The following KIAA1217 variants were observed in gnomAD, a reference collection of about 807,000 sequenced individuals.
The protein encoded by KIAA1217 is KIAA1217.
In KIAA1217, 88 loss-of-function variants were observed where a neutral mutation model predicts 163.9. That is an observed-to-expected ratio of 0.54 (90% CI 0.45 to 0.64). The LOEUF (loss-of-function observed/expected upper bound fraction) is 0.64. Ranked by LOEUF, KIAA1217 falls within the 30% of genes least tolerant of loss-of-function variation. KIAA1217 has a pLI of 0.00. For missense variants in KIAA1217, 2,372 were observed against 2,475.0 expected (o/e 0.96, Z 0.88); for synonymous variants, 903 against 923.1 (o/e 0.98, Z 0.39).
chr10:24,038,354 G>A (rs147716631), intron 2 of KIAA1217, among the ~76,000 whole-genome samples: 36 of 152,342 alleles, frequency 2.4e-4, no homozygotes, highest in African/African-American at 8.4e-4. Context: ...AGATGCATGA[G>A]TTTTGGTACA....
At chr10:24,128,263 C>T (rs1239152739) in intron 2 of KIAA1217, among the ~76,000 whole-genome samples, 1 of 152,064 alleles carries the variant, frequency 6.6e-6, no homozygotes, top group African/African-American at 2.4e-5. Context: ...AGGGATTTGC[C>T]AGAACATTAA....
intron 2 of KIAA1217, among the ~76,000 whole-genome samples, chr10:24,115,089 T>C (rs2063000305): frequency 6.6e-6 from 1 of 152,230 alleles, no homozygotes; most frequent in Non-Finnish European, 1.5e-5. Flanking sequence ...TGCTTATTTA[T>C]CCCCACTTAT....
At chr10:24,421,681 T>C (rs1175378696) in intron 3 of KIAA1217, among the ~76,000 whole-genome samples, 4 of 152,192 alleles carry the variant, frequency 2.6e-5, no homozygotes, top group Non-Finnish European at 5.9e-5. Flanking sequence ...TTTAAAAAAG[T>C]TATGAATGTG....
intron 2 of KIAA1217, among the ~76,000 whole-genome samples, chr10:24,079,507 T>C (rs1418634421): frequency 3.3e-5 from 5 of 152,204 alleles, no homozygotes; most frequent in Non-Finnish European, 7.3e-5. Flanking sequence ...TTAATGGTAT[T>C]GTATTGCCAT....
At chr10:23,747,087 G>T (rs1839453932) in intron 1 of KIAA1217, among the ~76,000 whole-genome samples, 1 of 152,170 alleles carries the variant, frequency 6.6e-6, no homozygotes, top group Non-Finnish European at 1.5e-5. Context: ...GCAGGGCCTA[G>T]GGGACTATCT....
At chr10:24,441,700 G>A (rs1000716107) in intron 5 of KIAA1217, among the ~76,000 whole-genome samples, 7 of 152,124 alleles carry the variant, frequency 4.6e-5, no homozygotes, top group African/African-American at 9.7e-5. Flanking sequence ...TAATTGCGTG[G>A]CTTTTGTTTC....
chr10:24,220,061 A>G, intron 2 of KIAA1217, 152 bp downstream of exon 2: 1 of 800,874 alleles, frequency 1.2e-6, no homozygotes, highest in Non-Finnish European at 1.8e-6. Context: ...CCTTGGGAGG[A>G]GGAAGCCGGG....
At chr10:23,962,369 A>T (rs935540566) in intron 1 of KIAA1217, among the ~76,000 whole-genome samples, 2 of 152,216 alleles carry the variant, frequency 1.3e-5, no homozygotes, top group Non-Finnish European at 2.9e-5. Flanking sequence ...ACTAGAACAG[A>T]TATTAACTCA....
At chr10:24,490,786 A>T (rs1388572926) in intron 6 of KIAA1217, among the ~76,000 whole-genome samples, 2 of 152,030 alleles carry the variant, frequency 1.3e-5, no homozygotes, top group African/African-American at 2.4e-5. Context: ...TCCAGGGGGG[A>T]TGTCAGATGA....
At chr10:24,475,320 T>C (rs2063893787) in intron 6 of KIAA1217, among the ~76,000 whole-genome samples, 1 of 152,232 alleles carries the variant, frequency 6.6e-6, no homozygotes, top group Admixed American at 6.5e-5. Flanking sequence ...CTTACTATTA[T>C]ATACCATGTA....
chr10:23,838,353 CA>C (rs1242880975), intron 1 of KIAA1217, among the ~76,000 whole-genome samples: 2 of 151,940 alleles, frequency 1.3e-5, no homozygotes, highest in African/African-American at 4.8e-5. Context: ...GTAAACATCC[CA>C]AAGTAGAGAA....
At chr10:24,148,354 G>A (rs1374873301) in intron 2 of KIAA1217, among the ~76,000 whole-genome samples, 1 of 152,020 alleles carries the variant, frequency 6.6e-6, no homozygotes, top group Non-Finnish European at 1.5e-5. Context: ...AAAACCTAAA[G>A]TTAAGCTTAG....
intron 1 of KIAA1217, among the ~76,000 whole-genome samples, chr10:23,946,911 G>A (rs1589126924): frequency 1.3e-5 from 2 of 152,138 alleles, no homozygotes; most frequent in Admixed American, 6.5e-5. Context: ...TTTCGTGGGA[G>A]GGACCCAGTG....
intron 1 of KIAA1217, among the ~76,000 whole-genome samples, chr10:23,867,159 G>A (rs1347032082): frequency 3.3e-5 from 5 of 152,032 alleles, no homozygotes; most frequent in South Asian, 4.2e-4. Context: ...TTTCATCCAC[G>A]TCCCTACAAA....
chr10:23,696,592 C>G (rs1161346786), intron 1 of KIAA1217, among the ~76,000 whole-genome samples: 1 of 152,222 alleles, frequency 6.6e-6, no homozygotes, highest in African/African-American at 2.4e-5. Context: ...GTGCTAGATG[C>G]TCCTGCAACA....
chr10:23,771,713 A>T (rs1241703958), intron 1 of KIAA1217, among the ~76,000 whole-genome samples: 2 of 152,222 alleles, frequency 1.3e-5, no homozygotes, highest in African/African-American at 4.8e-5. Flanking sequence ...AAGGGGAAAG[A>T]ACATGAGGGA....
intron 2 of KIAA1217, among the ~76,000 whole-genome samples, chr10:24,281,911 G>A (rs922416129): frequency 1.3e-5 from 2 of 152,068 alleles, no homozygotes. Context: ...CAAAAAATTA[G>A]CCAGGTGTGG....
At chr10:24,010,332 T>C (rs1363214648) in intron 2 of KIAA1217, among the ~76,000 whole-genome samples, 2 of 152,166 alleles carry the variant, frequency 1.3e-5, no homozygotes, top group Admixed American at 1.3e-4. Flanking sequence ...ATGATTAAGA[T>C]GATTGGAAAA....
intron 2 of KIAA1217, among the ~76,000 whole-genome samples, chr10:24,318,815 T>G (rs1424970917): frequency 1.3e-5 from 2 of 152,250 alleles, no homozygotes; most frequent in Non-Finnish European, 2.9e-5. Flanking sequence ...GCTTATGATC[T>G]AATGTTGAAA....
Sources: gnomAD v4.1 joint callset for allele counts (sites outside exome capture counted in the v4.1 genomes callset) on GRCh38, gnomAD v4.1.1 for gene constraint, MANE v1.5 for transcripts, NCBI Gene and HGNC (gene_info 2026-07-23, HGNC 2026-07-21) for gene names.